Variants in STEAP1B observed in about 807,000 individuals in gnomAD.
STEAP1B encodes the protein STEAP family protein MGC87042.
A neutral mutation model predicts 27.9 loss-of-function variants in STEAP1B; 13 were observed. The ratio of observed to expected loss-of-function variants is 0.47; its 90% CI spans 0.30 to 0.74. STEAP1B has a LOEUF of 0.74. Ranked by LOEUF, STEAP1B falls within the 30% of genes least tolerant of loss-of-function variation. The pLI, the probability that STEAP1B is intolerant of heterozygous loss-of-function variation, is 0.06. For missense variants in STEAP1B, 250 were observed against 298.7 expected, an observed-to-expected ratio of 0.84 and a Z score of 1.20; for synonymous variants, 86 against 107.1, an observed-to-expected ratio of 0.80 and a Z score of 1.22.
At chr7:22,468,820 T>C (rs1785831251) in intron 4 of STEAP1B, among the ~76,000 whole-genome samples, 1 of 152,216 alleles carries the variant, frequency 6.6e-6, no homozygotes, top group Non-Finnish European at 1.5e-5. Flanking sequence ...GCCATTGCAA[T>C]GTCAGAGTGC....
intron 4 of STEAP1B, among the ~76,000 whole-genome samples, chr7:22,448,019 T>C (rs561447221): frequency 6.6e-6 from 1 of 152,260 alleles, no homozygotes; most frequent in Non-Finnish European, 1.5e-5. Context: ...GTATTTACCC[T>C]AGAAGGGATT....
At chr7:22,437,999 G>A (rs1413561029) in intron 4 of STEAP1B, among the ~76,000 whole-genome samples, 1 of 152,052 alleles carries the variant, frequency 6.6e-6, no homozygotes, top group Non-Finnish European at 1.5e-5. Context: ...ACATACATTG[G>A]ACATGAACCC....
chr7:22,447,563 T>C (rs929815320), intron 4 of STEAP1B, among the ~76,000 whole-genome samples: 2 of 152,206 alleles, frequency 1.3e-5, no homozygotes, highest in Non-Finnish European at 2.9e-5. Flanking sequence ...AAACACATCA[T>C]TTGTAGGGCA....
intron 4 of STEAP1B, among the ~76,000 whole-genome samples, chr7:22,430,412 A>C (rs1260777322): frequency 1.3e-5 from 2 of 152,250 alleles, no homozygotes; most frequent in Non-Finnish European, 2.9e-5. Flanking sequence ...CCACAAGTGC[A>C]TCATTAATCT....
intron 4 of STEAP1B, among the ~76,000 whole-genome samples, chr7:22,433,332 G>A (rs1410445684): frequency 9.3e-6 from 1 of 107,306 alleles, no homozygotes; most frequent in African/African-American, 3.6e-5. Flanking sequence ...AGGGAGAGAG[G>A]ATTTTCCTGC....
chr7:22,432,923 T>C (rs1583629333), intron 4 of STEAP1B, among the ~76,000 whole-genome samples: 1 of 152,218 alleles, frequency 6.6e-6, no homozygotes, highest in East Asian at 1.9e-4. Context: ...CATAACTCCC[T>C]GACAGCAAAG....
intron 4 of STEAP1B, among the ~76,000 whole-genome samples, chr7:22,460,877 TAGTA>T (rs1423780961): frequency 1.3e-5 from 2 of 152,210 alleles, no homozygotes; most frequent in East Asian, 3.8e-4. Context: ...TACATGTATA[TAGTA>T]AGTAAGATAT....
At chr7:22,470,831 CTG>C (rs1243047914) in intron 4 of STEAP1B, among the ~76,000 whole-genome samples, 7 of 152,230 alleles carry the variant, frequency 4.6e-5, no homozygotes, top group Non-Finnish European at 8.8e-5. Context: ...AATGAGAACT[CTG>C]TACTATTTCT....
At chr7:22,452,058 G>A (rs1424907367) in intron 4 of STEAP1B, among the ~76,000 whole-genome samples, 3 of 152,100 alleles carry the variant, frequency 2.0e-5, no homozygotes, top group African/African-American at 7.2e-5. Context: ...TTAAACAGGG[G>A]AAATCCAGTA....
intron 4 of STEAP1B, among the ~76,000 whole-genome samples, chr7:22,452,593 T>C (rs1036844504): frequency 1.3e-5 from 2 of 152,006 alleles, no homozygotes; most frequent in Non-Finnish European, 2.9e-5. Context: ...AAAAGTACAG[T>C]TAAAGGATTA....
chr7:22,465,131 A>T (rs1785754685), intron 4 of STEAP1B, among the ~76,000 whole-genome samples: 1 of 151,574 alleles, frequency 6.6e-6, no homozygotes, highest in Non-Finnish European at 1.5e-5. Flanking sequence ...GACGGCTACG[A>T]GGCCACTAAT....
At chr7:22,471,979 C>A (rs1044609684) in intron 4 of STEAP1B, among the ~76,000 whole-genome samples, 4 of 150,372 alleles carry the variant, frequency 2.7e-5, no homozygotes, top group Non-Finnish European at 5.9e-5. Context: ...GTGTTTCTGG[C>A]TATTGGAAGA....
chr7:22,482,754 T>C (rs945531610), intron 4 of STEAP1B, among the ~76,000 whole-genome samples: 3 of 152,042 alleles, frequency 2.0e-5, no homozygotes, highest in Non-Finnish European at 4.4e-5. Context: ...TCAATCAGAG[T>C]GGGGCCTCTC....
intron 4 of STEAP1B, among the ~76,000 whole-genome samples, chr7:22,455,963 C>T (rs926623190): frequency 1.3e-5 from 2 of 152,060 alleles, no homozygotes; most frequent in Non-Finnish European, 2.9e-5. Context: ...CTGGCTAACA[C>T]GGTGAAACCC....
chr7:22,462,917 T>C (rs1018195189), intron 4 of STEAP1B, among the ~76,000 whole-genome samples: 4 of 152,224 alleles, frequency 2.6e-5, no homozygotes, highest in African/African-American at 7.2e-5. Flanking sequence ...TTTTAATGAT[T>C]GCCCTTCTAA....
At chr7:22,452,356 A>G (rs542048137) in intron 4 of STEAP1B, among the ~76,000 whole-genome samples, 1 of 152,196 alleles carries the variant, frequency 6.6e-6, no homozygotes, top group African/African-American at 2.4e-5. Context: ...AACGGAAAGA[A>G]AGTGACCCCT....
At chr7:22,457,327 T>G (rs1443880062) in intron 4 of STEAP1B, among the ~76,000 whole-genome samples, 1 of 152,014 alleles carries the variant, frequency 6.6e-6, no homozygotes, top group Non-Finnish European at 1.5e-5. Context: ...TTACCCTGAG[T>G]AAAATGCCAC....
intron 4 of STEAP1B, among the ~76,000 whole-genome samples, chr7:22,468,719 G>A (rs1785829192): frequency 6.6e-6 from 1 of 152,168 alleles, no homozygotes; most frequent in Non-Finnish European, 1.5e-5. Flanking sequence ...ATTGCATAAT[G>A]ATGTTCAGAC....
chr7:22,470,947 T>C (rs1007918584), intron 4 of STEAP1B, among the ~76,000 whole-genome samples: 1 of 152,186 alleles, frequency 6.6e-6, no homozygotes, highest in African/African-American at 2.4e-5. Context: ...AAAAAATGTA[T>C]TCAAGAGCCA....
Sources: allele counts gnomAD v4.1 joint callset (sites outside exome capture counted in the v4.1 genomes callset), GRCh38; gene constraint gnomAD v4.1.1; transcripts MANE v1.5; gene names NCBI Gene and HGNC (gene_info 2026-07-23, HGNC 2026-07-21).